GPR176: variants seen among roughly 807,000 people sequenced by gnomAD.
GPR176 encodes G-protein coupled receptor 176.
A neutral mutation model predicts 35.4 loss-of-function variants in GPR176; 26 were observed. That is an observed-to-expected ratio of 0.74 (90% confidence interval 0.54 to 1.02). The LOEUF (loss-of-function observed/expected upper bound fraction) is 1.02, where lower values mean the gene tolerates loss of function less well. Among genes scored for constraint, GPR176 ranks in the 50% least tolerant of loss-of-function variants. GPR176 has a pLI of 0.00. For synonymous variants in GPR176, 278 were observed against 271.3 expected (o/e 1.02, Z -0.24); for missense variants, 597 against 665.3 (o/e 0.90, Z 1.13).
intron 1 of GPR176, among the ~76,000 whole-genome samples, chr15:39,886,204 G>A (rs1401554441): frequency 2.0e-5 from 3 of 151,892 alleles, no homozygotes; most frequent in Non-Finnish European, 4.4e-5. Flanking sequence ...TTGCACTCCA[G>A]CCTGAGCAAC....
intron 1 of GPR176, among the ~76,000 whole-genome samples, chr15:39,877,089 A>T (rs1328661595): frequency 6.6e-6 from 1 of 152,184 alleles, no homozygotes; most frequent in African/African-American, 2.4e-5. Flanking sequence ...AAAGTCTCAT[A>T]AGAAAACCCA....
chr15:39,914,521 G>A (rs1365323463), intron 1 of GPR176, among the ~76,000 whole-genome samples: 2 of 151,962 alleles, frequency 1.3e-5, no homozygotes, highest in South Asian at 2.1e-4. Flanking sequence ...CACCATGTTG[G>A]CCAGGCTGGT....
At chr15:39,847,876 T>C (rs111325945) in intron 1 of GPR176, among the ~76,000 whole-genome samples, 1,531 of 152,152 alleles carry the variant, frequency 0.01, 25 homozygotes, top group African/African-American at 0.035. Flanking sequence ...GTTCAATTGG[T>C]TCACAGTTCT....
At chr15:39,899,788 T>C (rs992431528) in intron 1 of GPR176, among the ~76,000 whole-genome samples, 3 of 152,196 alleles carry the variant, frequency 2.0e-5, no homozygotes, top group Non-Finnish European at 4.4e-5. Flanking sequence ...TATTAAAGTC[T>C]TGACAAGGTG....
intron 1 of GPR176, among the ~76,000 whole-genome samples, chr15:39,854,645 T>C (rs2031088483): frequency 6.6e-6 from 1 of 152,166 alleles, no homozygotes; most frequent in Admixed American, 6.5e-5. Flanking sequence ...TCTGAAATCT[T>C]GGTAGGGAGC....
chr15:39,874,089 G>GT (rs2032152915), intron 1 of GPR176, among the ~76,000 whole-genome samples: 1 of 152,196 alleles, frequency 6.6e-6, no homozygotes, highest in African/African-American at 2.4e-5. Flanking sequence ...AGTGACTTAC[G>GT]TAAGTCTGCA....
At chr15:39,818,401 T>C (rs1302624327) in intron 1 of GPR176, among the ~76,000 whole-genome samples, 3 of 152,252 alleles carry the variant, frequency 2.0e-5, no homozygotes, top group Admixed American at 6.5e-5. Context: ...ATTAAATAAT[T>C]ACTTTGAATG....
chr15:39,895,050 G>A (rs553014343), intron 1 of GPR176, among the ~76,000 whole-genome samples: 3 of 152,352 alleles, frequency 2.0e-5, no homozygotes, highest in South Asian at 2.1e-4. Flanking sequence ...CCAACATAGC[G>A]AAACCCGGTC....
At chr15:39,852,497 T>A (rs2030941269) in intron 1 of GPR176, among the ~76,000 whole-genome samples, 1 of 152,224 alleles carries the variant, frequency 6.6e-6, no homozygotes, top group African/African-American at 2.4e-5. Flanking sequence ...CGAGTCTGAA[T>A]AACTCACTTG....
chr15:39,803,548 T>C (rs1251296025), intron 2 of GPR176, among the ~76,000 whole-genome samples: 2 of 152,040 alleles, frequency 1.3e-5, no homozygotes, highest in African/African-American at 4.8e-5. Context: ...CCCAAAGTGG[T>C]TGGATTACAG....
chr15:39,859,242 G>A (rs2031437273), intron 1 of GPR176, among the ~76,000 whole-genome samples: 1 of 151,980 alleles, frequency 6.6e-6, no homozygotes, highest in African/African-American at 2.4e-5. Flanking sequence ...AGGTATATCT[G>A]AGGAAAAAGT....
At chr15:39,907,957 C>A (rs1485615778) in intron 1 of GPR176, among the ~76,000 whole-genome samples, 2 of 152,026 alleles carry the variant, frequency 1.3e-5, no homozygotes, top group African/African-American at 4.8e-5. Flanking sequence ...TGCACTCCAG[C>A]CTAGGTGAAA....
At position 39,799,041 on chromosome 15, in the gene GPR176, A is replaced by G. The variant is rs1415809985; in HGVS notation, c.*2091T>C. On this transcript the variant is annotated 3_prime_UTR_variant, in exon 3 of 3. Coordinates refer to ENST00000561100, the MANE Select transcript of GPR176 (RefSeq NM_007223.3). The stretch of plus-strand genomic sequence containing the variant: ...AGAAACTGCTTTTCAATTTTTTATT[A>G]AAATGTTATTCTTCAAAGAGTATAG... 1 of 152,238 alleles carries G rather than the reference A, an allele frequency of 6.6e-6. No individual in the cohort carries two copies. The highest frequency in any genetic ancestry group is 1.5e-5 in the Non-Finnish European group (1 of 68,038). 9.4% of individuals were successfully genotyped at this position (152,238 alleles called of 1,614,324 possible).
chr15:39,902,526 T>C (rs1406617843), intron 1 of GPR176, among the ~76,000 whole-genome samples: 1 of 152,218 alleles, frequency 6.6e-6, no homozygotes. Flanking sequence ...TCATTGCTAC[T>C]AAAGACTTGC....
At chr15:39,916,060 A>T (rs1050079140) in intron 1 of GPR176, among the ~76,000 whole-genome samples, 3 of 152,216 alleles carry the variant, frequency 2.0e-5, no homozygotes, top group African/African-American at 7.2e-5. Context: ...GTAATAGGCT[A>T]GATCATAGCC....
At chr15:39,822,755 GCTTAA>G (rs1900358709) in intron 1 of GPR176, among the ~76,000 whole-genome samples, 1 of 152,174 alleles carries the variant, frequency 6.6e-6, no homozygotes, top group African/African-American at 2.4e-5. Context: ...AATTTTATCA[GCTTAA>G]CTTCTTTCCA....
intron 1 of GPR176, among the ~76,000 whole-genome samples, chr15:39,895,195 G>A (rs1347556233): frequency 5.3e-5 from 8 of 151,202 alleles, no homozygotes; most frequent in African/African-American, 1.9e-4. Context: ...GGCTCAGCAT[G>A]AGAGGGAGAC....
chr15:39,811,642 T>C lies in GPR176; in HGVS notation c.173-4384A>G, dbSNP rs150512996. Among the ~76,000 whole-genome samples the C allele has an allele frequency of 1.6e-3, 243 of 152,096 alleles. 2 individuals are homozygous for C. In the East Asian group the frequency reaches 0.037, roughly 23 times the overall value. On this transcript the variant is annotated intron_variant, in intron 1 of 2. Coordinates refer to ENST00000561100, the MANE Select transcript of GPR176 (RefSeq NM_007223.3). ...TGCTCAAAAAGTTCCAGATTCGGGG[T>C]GTGGTGGCTCACACCTGTAATCCCA...
intron 1 of GPR176, chr15:39,815,579 T>A (rs1210441342): frequency 6.6e-6 from 1 of 152,236 alleles, no homozygotes; most frequent in Non-Finnish European, 1.5e-5. Context: ...TTTCCAAGAA[T>A]GTTCAACCTT....
Sources: gnomAD v4.1 joint callset for allele counts (sites outside exome capture counted in the v4.1 genomes callset) on GRCh38, gnomAD v4.1.1 for gene constraint, MANE v1.5 for transcripts, NCBI Gene and HGNC (gene_info 2026-07-23, HGNC 2026-07-21) for gene names.